Variants in PTPRS observed in about 807,000 individuals in gnomAD.
The protein encoded by PTPRS is protein tyrosine phosphatase receptor type S.
Under a neutral mutation model 215.3 loss-of-function variants are expected in PTPRS, and 63 were observed. The ratio of observed to expected loss-of-function variants is 0.29; its 90% CI spans 0.24 to 0.36. The LOEUF is 0.36. PTPRS is among the 10% of genes least tolerant of loss of function. PTPRS has a pLI of 1.00. For missense variants in PTPRS, 2,258 were observed against 2,825.8 expected, an observed-to-expected ratio of 0.80 and a Z score of 4.56; for synonymous variants, 1,404 against 1,191.4, an observed-to-expected ratio of 1.18 and a Z score of -3.68.
chr19:5,292,448 ACT>A (rs1001997802), intron 1 of PTPRS, among the ~76,000 whole-genome samples: 1 of 151,964 alleles, frequency 6.6e-6, no homozygotes, highest in African/African-American at 2.4e-5. Flanking sequence ...GGGTCACCAA[ACT>A]CTGTCAGCTC....
rs944628482 is a variant in PTPRS, at chr19:5,295,895, C to A, written c.-94-9661G>T. ...TCAGCCTCCTGAGTAGCTTGGACTA[C>A]AGGCACATGCCACCACGTCTGGCTA... On this transcript the variant is annotated intron_variant, in intron 1 of 37. Coordinates refer to ENST00000262963, the MANE Select transcript of PTPRS (RefSeq NM_002850.4). The surrounding 1 kb of genome is among the most constrained non-coding windows in gnomAD (Gnocchi z 4.6). 6.6e-6 allele frequency among the ~76,000 whole-genome samples: 1 copy of A among 152,188 alleles called. No individual in the cohort carries two copies. The highest frequency in any genetic ancestry group is 2.1e-4 in the South Asian group (1 of 4,830).
At chr19:5,327,612 T>C (rs1370216003) in intron 1 of PTPRS, among the ~76,000 whole-genome samples, 1 of 152,098 alleles carries the variant, frequency 6.6e-6, no homozygotes, top group Non-Finnish European at 1.5e-5. Context: ...CTCAGTTCTT[T>C]TTGTTTTTAG....
chr19:5,329,295 G>A (rs1378889798), intron 1 of PTPRS, among the ~76,000 whole-genome samples: 1 of 151,958 alleles, frequency 6.6e-6, no homozygotes, highest in African/African-American at 2.4e-5. Flanking sequence ...CATCCAGAGA[G>A]GGAAAGTGAC....
At chr19:5,248,572 A>C (rs926824946) in intron 9 of PTPRS, among the ~76,000 whole-genome samples, 2 of 152,188 alleles carry the variant, frequency 1.3e-5, no homozygotes, top group Non-Finnish European at 2.9e-5. Context: ...CCTCGTGGAC[A>C]AAAATCCTTC....
chr19:5,322,879 CAAAA>C (rs60988670), intron 1 of PTPRS, among the ~76,000 whole-genome samples: 1 of 65,920 alleles, frequency 1.5e-5, no homozygotes, highest in African/African-American at 5.1e-5. Context: ...AACTCCGTCT[CAAAA>C]AAAAAAAAAA....
intron 1 of PTPRS, among the ~76,000 whole-genome samples, chr19:5,320,249 C>G (rs2049989500): frequency 6.6e-6 from 1 of 152,196 alleles, no homozygotes; most frequent in African/African-American, 2.4e-5. Flanking sequence ...CAGCCAGTGC[C>G]CGTGGCCTTG....
At position 5,229,622 on chromosome 19, in the gene PTPRS, G is replaced by A. The variant is rs1184633749; in HGVS notation, c.2218C>T (p.Leu740=). The A allele has an allele frequency of 7.2e-7, 1 of 1,394,094 alleles. No homozygotes were observed. The highest frequency in any genetic ancestry group is 9.3e-7 in the Non-Finnish European group (1 of 1,076,418). The allele number at this position is 1,394,094 out of a possible 1,614,324, so 86.4% of individuals were successfully genotyped here. ...CGGCCGGGCGCGGGCGAGCGCCACA[G>A]CACGCGGATGGCCGTGGCGTTGAGC... The part of the protein sequence containing the change: ...EALNATAIRV[L]WRSPAPGRQH... Residue 740 remains leucine, a synonymous_variant, in exon 15 of 38, where the codon CTG becomes TTG. Coordinates refer to ENST00000262963, the MANE Select transcript of PTPRS (RefSeq NM_002850.4).
At chr19:5,234,960 T>G (rs74989673) in intron 13 of PTPRS, among the ~76,000 whole-genome samples, 1 of 145,690 alleles carries the variant, frequency 6.9e-6, no homozygotes, top group Non-Finnish European at 1.5e-5. Context: ...TTTTTTTTTT[T>G]GAGACAGTCT....
At chr19:5,277,817 T>G in intron 2 of PTPRS, 1 of 764,510 alleles carries the variant, frequency 1.3e-6, no homozygotes, top group East Asian at 2.6e-5. Context: ...CAGACCAATA[T>G]GTCAAAATTA....
rs779207522 is a variant in PTPRS at position 5,264,989 on chromosome 19, G to A, written c.568+19C>T. 1 of 1,612,782 alleles carries A rather than the reference G, an allele frequency of 6.2e-7. No homozygotes were observed. Among genetic ancestry groups the A allele is most frequent in the Non-Finnish European group, 8.5e-7 (1 of 1,179,486 alleles). ...CTGCCCTCCAAGGCTCCCACGTCCT[G>A]TCAGCCACCCTCACTCACCTGATCG... On this transcript the variant is annotated intron_variant, in intron 5 of 37. Coordinates refer to ENST00000262963, the MANE Select transcript of PTPRS (RefSeq NM_002850.4).
In PTPRS at chr19:5,225,716, G is replaced by A. The variant is rs772520983; in HGVS notation, c.2494+11C>T. 9.3e-6 allele frequency: 15 copies of A among 1,608,400 alleles called. No individual in the cohort carries two copies. The highest frequency in any genetic ancestry group is 4.4e-5 in the South Asian group (4 of 90,986). The stretch of plus-strand genomic sequence containing the variant: ...GGCTGTTGGTGGGTGGGAGGAGGGC[G>A]GGTTGCATACCTGCTCCCTTGGTCA... On this transcript the variant is annotated intron_variant, in intron 17 of 37. Transcript: ENST00000262963.
chr19:5,220,296 G>A lies in PTPRS; in HGVS notation c.3513C>T (p.Thr1171=), dbSNP rs753851734. Residue 1171 remains threonine (T), a synonymous_variant, in exon 21 of 38, where the codon ACC becomes ACT. Transcript: ENST00000262963. ...CCATGTCCTCTGGGCTACCCAGCGG[G>A]GTCAGGAATTGGCCTCCACGAGACT... is the stretch of plus-strand genomic sequence containing the variant. ...LRKSRGGQFL[T]PLGSPEDMDL... The A allele has an allele frequency of 3.7e-6, 6 of 1,614,112 alleles. No homozygotes were observed. In the South Asian group the frequency reaches 5.5e-5, roughly 15 times the overall value.
intron 2 of PTPRS, among the ~76,000 whole-genome samples, chr19:5,284,609 G>A (rs1313619042): frequency 6.6e-6 from 1 of 151,932 alleles, no homozygotes; most frequent in Non-Finnish European, 1.5e-5. Flanking sequence ...ACCTCATCAG[G>A]GTGCGGTGGC....
At chr19:5,225,620 G>T in intron 17 of PTPRS, 107 bp downstream of exon 17, 1 of 987,398 alleles carries the variant, frequency 1.0e-6, no homozygotes. Flanking sequence ...CAGCTGCCTG[G>T]TGCACCCTCT....
chr19:5,229,911 C>A (rs996304928), intron 14 of PTPRS, among the ~76,000 whole-genome samples: 11 of 151,906 alleles, frequency 7.2e-5, no homozygotes, highest in Non-Finnish European at 1.3e-4. Flanking sequence ...GGCTGCCCCC[C>A]CCCGAGTCTA....
In PTPRS at chr19:5,206,907, G is replaced by A. The variant is rs779828578; in HGVS notation, c.5779-65C>T. ...CTAACGCCTCCCAGGGCTCCCTATCGCCCTCAGGAGCAGGCCAAGCTCCTC... is the reference window on the plus strand; with the variant it reads ...CTAACGCCTCCCAGGGCTCCCTATCACCCTCAGGAGCAGGCCAAGCTCCTC... On this transcript the variant is annotated intron_variant, in intron 37 of 37. Transcript: ENST00000262963. 9.9e-5 allele frequency: 146 copies of A among 1,475,686 alleles called. 1 individual carries two copies. The Admixed American group carries it at 1.6e-3, about 16-fold the overall frequency. 91.4% of individuals were successfully genotyped at this position (1,475,686 alleles called of 1,614,324 possible).
chr19:5,282,765 G>A (rs1032075353), intron 2 of PTPRS, among the ~76,000 whole-genome samples: 1 of 151,344 alleles, frequency 6.6e-6, no homozygotes, highest in African/African-American at 2.4e-5. Flanking sequence ...GATCGAGCCT[G>A]GGCAACAGGA....
At chr19:5,277,651 A>G (rs527873515) in intron 2 of PTPRS, 351 of 427,430 alleles carry the variant, frequency 8.2e-4, no homozygotes, top group African/African-American at 7.8e-3. Flanking sequence ...GTGAGACTCC[A>G]TCTCAAAAAA....
chr19:5,286,160 T>G lies in PTPRS; in HGVS notation c.-20A>C. 6.2e-7 allele frequency: 1 copy of G among 1,612,144 alleles called. No homozygotes were observed. On this transcript the variant is annotated 5_prime_UTR_variant, in exon 2 of 38. Coordinates refer to ENST00000262963, the MANE Select transcript of PTPRS (RefSeq NM_002850.4). ...CGCCATGCTTGGCAGCGACCTCCGATCTCCGCCCTGGAGGGGGATGGCCCC... is the reference window on the plus strand; with the variant it reads ...CGCCATGCTTGGCAGCGACCTCCGAGCTCCGCCCTGGAGGGGGATGGCCCC...
Sources: gnomAD v4.1 joint callset for allele counts (sites outside exome capture counted in the v4.1 genomes callset) on GRCh38, gnomAD v4.1.1 for gene constraint, Gnocchi (gnomAD v3.1) non-coding constraint, MANE v1.5 for transcripts, NCBI Gene and HGNC (gene_info 2026-07-23, HGNC 2026-07-21) for gene names.